Variants in NR3C2 observed in about 807,000 individuals in gnomAD.
The protein encoded by NR3C2 is mineralocorticoid receptor.
NR3C2 carries 15 observed loss-of-function variants against 86.4 expected under a neutral mutation model. The observed-to-expected ratio is 0.17, with a 90% CI of 0.12 to 0.27. The LOEUF is 0.27. Ranked by LOEUF, NR3C2 falls within the 10% of genes least tolerant of loss-of-function variation. The probability of loss-of-function intolerance (pLI) is 1.00; values close to 1 mark genes in which losing one functional copy is unlikely to be tolerated. For synonymous variants in NR3C2, 458 were observed against 450.5 expected (o/e 1.02, Z -0.21); for missense variants, 960 against 1,195.6 (o/e 0.80, Z 2.91).
chr4:148,276,144 T>G (rs1740950824), intron 2 of NR3C2, among the ~76,000 whole-genome samples: 1 of 152,166 alleles, frequency 6.6e-6, no homozygotes, highest in South Asian at 2.1e-4. Context: ...GTGAACCTTT[T>G]ATGAGAGTCT....
At chr4:148,257,183 G>C (rs752195195) in intron 3 of NR3C2, among the ~76,000 whole-genome samples, 12 of 152,034 alleles carry the variant, frequency 7.9e-5, no homozygotes, top group Non-Finnish European at 1.5e-4. Flanking sequence ...AATCTAACGA[G>C]GGGCTTAGGG....
In NR3C2 at chr4:148,174,846, C is replaced by T. The variant is rs116609845; in HGVS notation, c.2014+19900G>A. 3.5e-3 allele frequency among the ~76,000 whole-genome samples: 528 copies of T among 152,312 alleles called. 6 individuals are homozygous for T. Among genetic ancestry groups the T allele is most frequent in the African/African-American group, 0.012 (495 of 41,576 alleles). On this transcript the variant is annotated intron_variant, in intron 4 of 8. Transcript: ENST00000358102. ...AGGAAGTAGGGTCACTGTTTCAGTG[C>T]TTGTCCTCTCCAACGATATCGGACC... is the stretch of plus-strand genomic sequence containing the variant.
intron 8 of NR3C2, among the ~76,000 whole-genome samples, chr4:148,103,955 T>C (rs963944785): frequency 1.3e-5 from 2 of 152,192 alleles, no homozygotes; most frequent in African/African-American, 2.4e-5. Context: ...ATTTCCTATT[T>C]ACCACCCATT....
At chr4:148,304,573 C>T (rs1283803348) in intron 2 of NR3C2, among the ~76,000 whole-genome samples, 1 of 152,014 alleles carries the variant, frequency 6.6e-6, no homozygotes, top group East Asian at 1.9e-4. Context: ...GAACTGACTG[C>T]CATTTTCCCA....
At chr4:148,106,432 TA>T (rs1203208152) in intron 8 of NR3C2, among the ~76,000 whole-genome samples, 1 of 152,192 alleles carries the variant, frequency 6.6e-6, no homozygotes, top group Non-Finnish European at 1.5e-5. Flanking sequence ...AAAATGGCCA[TA>T]CTCCCCAAAA....
At chr4:148,304,831 C>T (rs1175357373) in intron 2 of NR3C2, among the ~76,000 whole-genome samples, 1 of 151,610 alleles carries the variant, frequency 6.6e-6, no homozygotes, top group Non-Finnish European at 1.5e-5. Flanking sequence ...GGAGTCTGGC[C>T]TCTTCAGCTC....
At chr4:148,428,261 A>G (rs1749644853) in intron 2 of NR3C2, among the ~76,000 whole-genome samples, 1 of 152,198 alleles carries the variant, frequency 6.6e-6, no homozygotes, top group Non-Finnish European at 1.5e-5. Flanking sequence ...AGCTGATGTT[A>G]AGGTTGGGGA....
At chr4:148,083,135 G>A (rs887113962) in intron 8 of NR3C2, among the ~76,000 whole-genome samples, 1 of 152,200 alleles carries the variant, frequency 6.6e-6, no homozygotes, top group African/African-American at 2.4e-5. Flanking sequence ...GGGAAGGGGT[G>A]GCTGTGGGCA....
intron 3 of NR3C2, among the ~76,000 whole-genome samples, chr4:148,199,607 A>T (rs1736614539): frequency 6.6e-6 from 1 of 152,172 alleles, no homozygotes; most frequent in African/African-American, 2.4e-5. Context: ...TGCAGACGAG[A>T]GAAGGCAGAG....
chr4:148,317,509 T>A (rs933572026), intron 2 of NR3C2, among the ~76,000 whole-genome samples: 11 of 152,236 alleles, frequency 7.2e-5, no homozygotes, highest in African/African-American at 2.4e-4. Context: ...TGTACCTATT[T>A]TGAACAACTT....
In NR3C2 at chr4:148,358,140, T is replaced by C. The variant is rs560214416; in HGVS notation, c.1757+76964A>G. ...TACTGGGTATATACCCAAAGGACTA[T>C]AAATTATGCTGCTAAAAAGACACAT... On this transcript the variant is annotated intron_variant, in intron 2 of 8. Coordinates refer to ENST00000358102, the MANE Select transcript of NR3C2 (RefSeq NM_000901.5). 1.8e-3 allele frequency among the ~76,000 whole-genome samples: 267 copies of C among 152,280 alleles called. 1 individual carries two copies. The highest frequency in any genetic ancestry group is 6.1e-3 in the African/African-American group (252 of 41,562).
At chr4:148,188,062 C>A (rs1736018650) in intron 4 of NR3C2, among the ~76,000 whole-genome samples, 1 of 152,160 alleles carries the variant, frequency 6.6e-6, no homozygotes, top group South Asian at 2.1e-4. Flanking sequence ...CTACTACGTT[C>A]CAATGGTCTA....
intron 4 of NR3C2, among the ~76,000 whole-genome samples, chr4:148,157,179 T>G: frequency 1.5e-5 from 2 of 136,358 alleles, no homozygotes; most frequent in African/African-American, 2.7e-5. Context: ...GGGGGAGGGA[T>G]AGCATTAGGA....
intron 2 of NR3C2, among the ~76,000 whole-genome samples, chr4:148,261,350 C>T (rs72491781): frequency 0.19 from 28,061 of 148,614 alleles, 2,797 homozygotes; most frequent in Admixed American, 0.27. Context: ...CCCTATGGTG[C>T]GCTATGGTAA....
At chr4:148,441,474 C>T (rs1462213493) in intron 1 of NR3C2, among the ~76,000 whole-genome samples, 1 of 152,204 alleles carries the variant, frequency 6.6e-6, no homozygotes, top group African/African-American at 2.4e-5. Context: ...TTCCTAACTC[C>T]TATGTCATAA....
At chr4:148,295,398 C>T (rs902449324) in intron 2 of NR3C2, among the ~76,000 whole-genome samples, 19 of 151,710 alleles carry the variant, frequency 1.3e-4, no homozygotes, top group African/African-American at 4.1e-4. Context: ...AATCAGGCTC[C>T]CTCTGCAATA....
rs958213202 is a variant in NR3C2, at chr4:148,334,799, T to G, written c.1758-74682A>C. Reference sequence around the variant, plus strand: ...ACAGGAGAATTTATTCTCTCTACTTTAGAGGCTAGAAGTCCGAGTTCGAGA... The same window carrying G: ...ACAGGAGAATTTATTCTCTCTACTTGAGAGGCTAGAAGTCCGAGTTCGAGA... On this transcript the variant is annotated intron_variant, in intron 2 of 8. Coordinates refer to ENST00000358102, the MANE Select transcript of NR3C2 (RefSeq NM_000901.5). 2.0e-5 allele frequency among the ~76,000 whole-genome samples: 3 copies of G among 152,164 alleles called. No homozygotes were observed. The South Asian group carries it at 6.2e-4, about 31-fold the overall frequency.
Position 148,359,495 on chromosome 4 carries a change from T to C in NR3C2, c.1757+75609A>G, listed in dbSNP as rs569333482. Among the ~76,000 whole-genome samples, 15 of 152,322 alleles carry C rather than the reference T, an allele frequency of 9.8e-5. 1 individual carries two copies. In the South Asian group the frequency reaches 2.9e-3, roughly 29 times the overall value. ...GGTTTTACCATTCACAAATGGCAGA[T>C]ATATCTACGAAACTAAGGGATAAAC... On this transcript the variant is annotated intron_variant, in intron 2 of 8. Coordinates refer to ENST00000358102, the MANE Select transcript of NR3C2 (RefSeq NM_000901.5).
chr4:148,084,904 A>AGG, intron 8 of NR3C2, among the ~76,000 whole-genome samples: 1 of 152,346 alleles, frequency 6.6e-6, no homozygotes, highest in East Asian at 1.9e-4. Context: ...CAAAGATCAA[A>AGG]GGAGGGCATT....
Sources: allele counts gnomAD v4.1 joint callset (sites outside exome capture counted in the v4.1 genomes callset), GRCh38; gene constraint gnomAD v4.1.1; transcripts MANE v1.5; gene names NCBI Gene and HGNC (gene_info 2026-07-23, HGNC 2026-07-21).